Variants in CDH8 observed in about 807,000 individuals in gnomAD.
The protein encoded by CDH8 is cadherin 8.
A neutral mutation model predicts 68.1 loss-of-function variants in CDH8; 17 were observed. That is an observed-to-expected ratio of 0.25 (90% CI 0.17 to 0.37). CDH8 has a LOEUF of 0.37. Ranked by LOEUF, CDH8 falls within the 10% of genes least tolerant of loss-of-function variation. The pLI, the probability that CDH8 is intolerant of heterozygous loss-of-function variation, is 1.00. For synonymous variants in CDH8, 372 were observed against 365.1 expected, an observed-to-expected ratio of 1.02 and a Z score of -0.21; for missense variants, 763 against 999.3, an observed-to-expected ratio of 0.76 and a Z score of 3.19.
chr16:61,851,267 A>G (rs1032955690), intron 4 of CDH8, among the ~76,000 whole-genome samples: 1 of 151,954 alleles, frequency 6.6e-6, no homozygotes, highest in Non-Finnish European at 1.5e-5. Context: ...CCCAAGGAAT[A>G]TTTTTTACTT....
At position 62,013,261 on chromosome 16, in the gene CDH8, CAAAAAAAAAAAAAAA is replaced by C. The variant is rs1165564723; in HGVS notation, c.252+7876_252+7890del. On this transcript the variant is annotated intron_variant, in intron 2 of 11. Coordinates refer to ENST00000577390, the MANE Select transcript of CDH8 (RefSeq NM_001796.5). ...TGGGCGACAGAGCGAGACTCCGTCT[CAAAAAAAAAAAAAAA>C]AAAAAAAAAAAAAAAAATTAACTAC... Among the ~76,000 whole-genome samples, 3 of 6,408 alleles carry C rather than the reference CAAAAAAAAAAAAAAA, an allele frequency of 4.7e-4. 1 individual carries two copies. Among genetic ancestry groups the C allele is most frequent in the African/African-American group, 2.2e-3 (3 of 1,354 alleles). 4.2% of individuals were successfully genotyped at this position (6,408 alleles called of 152,430 possible).
chr16:61,656,072 C>A (rs1963442278), intron 10 of CDH8, among the ~76,000 whole-genome samples: 1 of 152,052 alleles, frequency 6.6e-6, no homozygotes, highest in Non-Finnish European at 1.5e-5. Flanking sequence ...CGGAGTTTCA[C>A]CGTGTTAGCC....
intron 6 of CDH8, among the ~76,000 whole-genome samples, chr16:61,820,710 A>T (rs548459941): frequency 1.3e-5 from 2 of 151,916 alleles, no homozygotes; most frequent in African/African-American, 4.8e-5. Flanking sequence ...AAGCACTATT[A>T]TGGTAGCTGT....
At chr16:61,800,920 T>C (rs574070539) in intron 7 of CDH8, among the ~76,000 whole-genome samples, 1 of 152,178 alleles carries the variant, frequency 6.6e-6, no homozygotes, top group Non-Finnish European at 1.5e-5. Flanking sequence ...CCATAAATAT[T>C]TGAACATCAG....
intron 2 of CDH8, among the ~76,000 whole-genome samples, chr16:61,991,181 T>C (rs1463619394): frequency 6.6e-6 from 1 of 152,168 alleles, no homozygotes; most frequent in Non-Finnish European, 1.5e-5. Context: ...GAATCCAATT[T>C]TCTCCAAACT....
chr16:61,699,263 A>G (rs929568577), intron 10 of CDH8, among the ~76,000 whole-genome samples: 2 of 152,240 alleles, frequency 1.3e-5, no homozygotes, highest in Non-Finnish European at 2.9e-5. Context: ...AACAGGATCT[A>G]GAACATAATC....
At chr16:61,684,270 G>T (rs755554365) in intron 10 of CDH8, among the ~76,000 whole-genome samples, 2 of 151,950 alleles carry the variant, frequency 1.3e-5, no homozygotes, top group Non-Finnish European at 2.9e-5. Context: ...AAAACCTCTA[G>T]AAAAATAAGT....
intron 2 of CDH8, among the ~76,000 whole-genome samples, chr16:61,977,175 C>A (rs762568841): frequency 1.3e-5 from 2 of 152,102 alleles, no homozygotes; most frequent in Non-Finnish European, 2.9e-5. Context: ...TGGCAGTTAA[C>A]CTTCTGAGAA....
intron 2 of CDH8, among the ~76,000 whole-genome samples, chr16:61,962,787 A>G (rs996724645): frequency 6.6e-6 from 1 of 152,200 alleles, no homozygotes; most frequent in African/African-American, 2.4e-5. Context: ...GCAAAAATTT[A>G]TAACTTCCTC....
At chr16:61,713,045 G>A (rs908123105) in intron 10 of CDH8, among the ~76,000 whole-genome samples, 2 of 151,498 alleles carry the variant, frequency 1.3e-5, no homozygotes, top group African/African-American at 4.8e-5. Context: ...CTGAGACATT[G>A]CTTATATTTT....
intron 3 of CDH8, among the ~76,000 whole-genome samples, chr16:61,888,478 T>C (rs1168721747): frequency 6.6e-6 from 1 of 152,174 alleles, no homozygotes; most frequent in African/African-American, 2.4e-5. Context: ...TCTTTTGTTA[T>C]GTATGTAAGA....
chr16:61,857,262 A>AG, intron 3 of CDH8, 24 bp from the exon 4 acceptor site: 2 of 1,600,216 alleles, frequency 1.2e-6, no homozygotes, highest in Non-Finnish European at 8.5e-7. Flanking sequence ...GAAAGAAAAA[A>AG]GATAATAATT....
In CDH8 at chr16:61,795,946, T is replaced by C. The variant is rs535072967; in HGVS notation, c.1278-6464A>G. ...GATTGACCCTTTTTTAAGAATTTTC[T>C]CTCCTATTTCTGTATAAACATTTGC... On this transcript the variant is annotated intron_variant, in intron 7 of 11. Transcript: ENST00000577390. 7.2e-5 allele frequency among the ~76,000 whole-genome samples: 11 copies of C among 152,180 alleles called. No homozygotes were observed. In the South Asian group the frequency reaches 2.3e-3, roughly 32 times the overall value.
intron 2 of CDH8, among the ~76,000 whole-genome samples, chr16:61,930,306 C>CACACA: frequency 1.3e-5 from 2 of 150,650 alleles, no homozygotes; most frequent in South Asian, 2.1e-4. Context: ...CACACACACA[C>CACACA]CCCTATGTAT....
At chr16:62,029,311 C>A (rs1597136063) in intron 1 of CDH8, among the ~76,000 whole-genome samples, 1 of 152,122 alleles carries the variant, frequency 6.6e-6, no homozygotes, top group Admixed American at 6.5e-5. Context: ...TGTGTATGTA[C>A]TTCAGTGGGG....
At chr16:61,781,571 G>T (rs1008087010) in intron 8 of CDH8, among the ~76,000 whole-genome samples, 46 of 152,154 alleles carry the variant, frequency 3.0e-4, no homozygotes, top group Admixed American at 2.9e-3. Flanking sequence ...ATGATATAGT[G>T]CCTGGGCAAA....
chr16:61,715,293 G>A (rs543306797), intron 9 of CDH8, among the ~76,000 whole-genome samples: 3 of 151,664 alleles, frequency 2.0e-5, no homozygotes, highest in Admixed American at 2.0e-4. Flanking sequence ...TTAAGACAGT[G>A]AGATAGTCAT....
chr16:61,662,708 A>C (rs2142758867), intron 10 of CDH8, among the ~76,000 whole-genome samples: 1 of 152,056 alleles, frequency 6.6e-6, no homozygotes, highest in East Asian at 1.9e-4. Flanking sequence ...ACTATATTGC[A>C]TTAGGTATTA....
intron 4 of CDH8, among the ~76,000 whole-genome samples, chr16:61,833,633 AT>A (rs1375502757): frequency 6.6e-6 from 1 of 151,758 alleles, no homozygotes; most frequent in Non-Finnish European, 1.5e-5. Context: ...GTCTCCAAAC[AT>A]TTTTTACTAT....
Sources: gnomAD v4.1 joint callset for allele counts (sites outside exome capture counted in the v4.1 genomes callset) on GRCh38, gnomAD v4.1.1 for gene constraint, MANE v1.5 for transcripts, NCBI Gene and HGNC (gene_info 2026-07-23, HGNC 2026-07-21) for gene names.